RAP1GAP: variants seen among roughly 807,000 people sequenced by gnomAD.
The protein encoded by RAP1GAP is rap1 GTPase-activating protein 1.
Under a neutral mutation model 87.2 loss-of-function variants are expected in RAP1GAP, and 35 were observed. The observed-to-expected ratio is 0.40, with a 90% CI of 0.31 to 0.53. The LOEUF is 0.53. Among genes scored for constraint, RAP1GAP ranks in the 20% least tolerant of loss-of-function variants. RAP1GAP has a pLI of 0.48. For missense variants in RAP1GAP, 734 were observed against 898.9 expected (o/e 0.82, Z 2.35); for synonymous variants, 375 against 363.9 (o/e 1.03, Z -0.35).
intron 2 of RAP1GAP, among the ~76,000 whole-genome samples, chr1:21,648,913 G>C (rs143076287): frequency 6.6e-6 from 1 of 152,312 alleles, no homozygotes; most frequent in Non-Finnish European, 1.5e-5. Flanking sequence ...CTGCGGGGAC[G>C]ATGGTGCCAG....
chr1:21,629,138 A>T (rs534021629), intron 2 of RAP1GAP, among the ~76,000 whole-genome samples: 2 of 152,318 alleles, frequency 1.3e-5, no homozygotes, highest in South Asian at 4.1e-4. Context: ...GCTGGAATTT[A>T]AAGTACATGC....
At chr1:21,632,293 C>T (rs866678) in intron 2 of RAP1GAP, among the ~76,000 whole-genome samples, 1 of 152,348 alleles carries the variant, frequency 6.6e-6, no homozygotes, top group East Asian at 1.9e-4. Context: ...GCAACTGTCA[C>T]TGCACCTCCT....
intron 17 of RAP1GAP, among the ~76,000 whole-genome samples, chr1:21,606,916 C>G (rs2075039210): frequency 6.6e-6 from 1 of 152,216 alleles, no homozygotes; most frequent in Non-Finnish European, 1.5e-5. Context: ...AGATGTGGGA[C>G]CATCGGAGCC....
At position 21,669,175 on chromosome 1, in the gene RAP1GAP, C is replaced by T; in HGVS notation, c.-149+79G>A. 1 of 1,210,656 alleles carries T rather than the reference C, an allele frequency of 8.3e-7. No homozygotes were observed. The highest frequency in any genetic ancestry group is 1.0e-6 in the Non-Finnish European group (1 of 956,628). 75.0% of individuals were successfully genotyped at this position (1,210,656 alleles called of 1,614,324 possible). A position where few individuals can be genotyped will look rare whatever the true frequency, so the allele number is the denominator to read the frequency against. On this transcript the variant is annotated intron_variant, in intron 1 of 24. Transcript: ENST00000374765. This position sits in a 1 kb window ranked among gnomAD's most constrained non-coding sequence, Gnocchi z 5.6. The stretch of plus-strand genomic sequence containing the variant: ...TCCCCGCCCGCCCGCGCGGGGTCTT[C>T]GCTGCGAGCCGACGGGAGTCTGGAC...
At chr1:21,660,353 T>TATATATATAGAGAGAGAGAGAGAGAGAGA in intron 1 of RAP1GAP, among the ~76,000 whole-genome samples, 1 of 26,818 alleles carries the variant, frequency 3.7e-5, no homozygotes, top group African/African-American at 1.1e-4. Context: ...ATATATTTAT[T>TATATATATAGAGAGAGAGAGAGAGAGAGA]GAGACAGTCT....
intron 2 of RAP1GAP, among the ~76,000 whole-genome samples, chr1:21,638,471 A>G (rs866876700): frequency 1.8e-4 from 27 of 150,882 alleles, no homozygotes; most frequent in African/African-American, 2.7e-4. Flanking sequence ...AAAAAAAAAA[A>G]AGAGAGAGAG....
chr1:21,613,551 C>T lies in RAP1GAP; in HGVS notation c.474+77G>A, dbSNP rs1301703412. On this transcript the variant is annotated intron_variant, in intron 9 of 24. Transcript: ENST00000374765. The surrounding 1 kb of genome is among the most constrained non-coding windows in gnomAD (Gnocchi z 4.7). ...CTAGGGCCTACAGCTGAAGGGGACG[C>T]GCCAAGGCAAGCTGAAGCCCCACAG... 53 of 1,373,218 alleles carry T rather than the reference C, an allele frequency of 3.9e-5. No homozygotes were observed. The highest frequency in any genetic ancestry group is 1.7e-4 in the Admixed American group (10 of 59,628). The allele number at this position is 1,373,218 out of a possible 1,614,324, so 85.1% of individuals were successfully genotyped here. A position where few individuals can be genotyped will look rare whatever the true frequency, so the allele number is the denominator to read the frequency against.
chr1:21,634,058 C>G lies in RAP1GAP; in HGVS notation c.-112-7661G>C, dbSNP rs1317186761. On this transcript the variant is annotated intron_variant, in intron 2 of 24. Coordinates refer to ENST00000374765, the MANE Select transcript of RAP1GAP (RefSeq NM_002885.4). The surrounding 1 kb of genome is among the most constrained non-coding windows in gnomAD (Gnocchi z 4.1). The stretch of plus-strand genomic sequence containing the variant: ...TGGCTGCCCCAGAACTGCCCCCTCC[C>G]GGGGGGGGGGGGGGGCCACAGAAGC... 2.1e-5 allele frequency among the ~76,000 whole-genome samples: 3 copies of G among 143,180 alleles called. No individual in the cohort carries two copies. The highest frequency in any genetic ancestry group is 2.7e-5 in the African/African-American group (1 of 36,598). 93.9% of individuals were successfully genotyped at this position (143,180 alleles called of 152,430 possible). A position where few individuals can be genotyped will look rare whatever the true frequency, so the allele number is the denominator to read the frequency against.
chr1:21,608,496 TC>T, intron 16 of RAP1GAP, 146 bp from the exon 17 acceptor site: 1 of 1,105,014 alleles, frequency 9.0e-7, no homozygotes, highest in Non-Finnish European at 1.2e-6. Flanking sequence ...TGCACCGCCT[TC>T]CCCCAGGCCA....
chr1:21,601,535 A>T, intron 20 of RAP1GAP, 149 bp downstream of exon 20: 1 of 517,662 alleles, frequency 1.9e-6, no homozygotes, highest in East Asian at 3.1e-5. Context: ...GGTATATGTC[A>T]AAGGAGGGCC....
intron 18 of RAP1GAP, chr1:21,604,009 G>C: frequency 1.1e-6 from 1 of 950,520 alleles, no homozygotes; most frequent in South Asian, 1.7e-5. Flanking sequence ...GAGGAGGAGA[G>C]GCAGGGAAAG....
At chr1:21,625,606 T>C (rs1202625888) in intron 3 of RAP1GAP, among the ~76,000 whole-genome samples, 3 of 152,216 alleles carry the variant, frequency 2.0e-5, no homozygotes, top group African/African-American at 2.4e-5. Flanking sequence ...AGCTATCACA[T>C]AGTCCAAGGA....
chr1:21,600,501 C>T (rs2067250293), intron 20 of RAP1GAP, among the ~76,000 whole-genome samples: 1 of 152,198 alleles, frequency 6.6e-6, no homozygotes, highest in African/African-American at 2.4e-5. Flanking sequence ...CCCACTCCAG[C>T]CTCTTTGTAC....
chr1:21,648,098 G>C (rs1234283376), intron 2 of RAP1GAP, among the ~76,000 whole-genome samples: 2 of 152,214 alleles, frequency 1.3e-5, no homozygotes, highest in African/African-American at 4.8e-5. Flanking sequence ...TTAGCACCTT[G>C]GACAGCGGCT....
intron 7 of RAP1GAP, among the ~76,000 whole-genome samples, chr1:21,616,363 T>G (rs757385152): frequency 1.2e-4 from 18 of 152,252 alleles, no homozygotes; most frequent in Admixed American, 9.8e-4. Flanking sequence ...CAAGTAATTA[T>G]GAAGACATGA....
intron 1 of RAP1GAP, among the ~76,000 whole-genome samples, chr1:21,655,351 C>T (rs1309093260): frequency 2.0e-5 from 3 of 152,196 alleles, no homozygotes; most frequent in African/African-American, 7.2e-5. Flanking sequence ...TGGGGAAGAT[C>T]TGTGTGTGGG....
chr1:21,654,031 G>C (rs2096757882), intron 1 of RAP1GAP, among the ~76,000 whole-genome samples: 1 of 150,048 alleles, frequency 6.7e-6, no homozygotes, highest in African/African-American at 2.5e-5. Flanking sequence ...AAAGAGCCCA[G>C]TGTGGGCTCC....
chr1:21,642,143 G>GC (rs1260839775), intron 2 of RAP1GAP, among the ~76,000 whole-genome samples: 1 of 152,216 alleles, frequency 6.6e-6, no homozygotes, highest in African/African-American at 2.4e-5. Context: ...TGTTCTCAGG[G>GC]CCAGTGCCTA....
At chr1:21,664,484 G>C (rs2097271972) in intron 1 of RAP1GAP, among the ~76,000 whole-genome samples, 1 of 152,092 alleles carries the variant, frequency 6.6e-6, no homozygotes, top group South Asian at 2.1e-4. Context: ...ATCCAACCCA[G>C]TGTCCACATT....
Sources: gnomAD v4.1 joint callset for allele counts (sites outside exome capture counted in the v4.1 genomes callset) on GRCh38, gnomAD v4.1.1 for gene constraint, Gnocchi (gnomAD v3.1) non-coding constraint, MANE v1.5 for transcripts, NCBI Gene and HGNC (gene_info 2026-07-23, HGNC 2026-07-21) for gene names.